The following MAN1A2 variants were observed in gnomAD, a reference collection of about 807,000 sequenced individuals.
MAN1A2 encodes mannosidase alpha class 1A member 2.
In MAN1A2, 26 loss-of-function variants were observed where a neutral mutation model predicts 75.7. The ratio of observed to expected loss-of-function variants is 0.34; its 90% CI spans 0.25 to 0.48. The LOEUF is 0.48. Ranked by LOEUF, MAN1A2 falls within the 20% of genes least tolerant of loss-of-function variation. The pLI, the probability that MAN1A2 is intolerant of heterozygous loss-of-function variation, is 0.99. For synonymous variants in MAN1A2, 247 were observed against 264.6 expected, an observed-to-expected ratio of 0.93 and a Z score of 0.65; for missense variants, 562 against 775.5, an observed-to-expected ratio of 0.72 and a Z score of 3.27.
chr1:117,512,467 C>G (rs899207998), intron 12 of MAN1A2, among the ~76,000 whole-genome samples: 6 of 151,908 alleles, frequency 3.9e-5, no homozygotes, highest in African/African-American at 1.2e-4. Context: ...TAACAAGTTC[C>G]CAGGTGATGC....
chr1:117,524,432 T>A lies in MAN1A2; in HGVS notation c.*1475T>A, dbSNP rs1032456789. 4.6e-4 allele frequency: 70 copies of A among 151,788 alleles called. No individual in the cohort carries two copies. The highest frequency in any genetic ancestry group is 1.5e-3 in the African/African-American group (64 of 41,406). 9.4% of individuals were successfully genotyped at this position (151,788 alleles called of 1,614,324 possible). A position where few individuals can be genotyped will look rare whatever the true frequency, so the allele number is the denominator to read the frequency against. ...TTTCATTTAATATAGGCATCTTCCA[T>A]TGACATTAATAAAACTTAGAAACAG... On this transcript the variant is annotated 3_prime_UTR_variant, in exon 13 of 13. Transcript: ENST00000356554.
chr1:117,524,338 G>C lies in MAN1A2; in HGVS notation c.*1381G>C, dbSNP rs1013728015. On this transcript the variant is annotated 3_prime_UTR_variant, in exon 13 of 13. Transcript: ENST00000356554. The stretch of plus-strand genomic sequence containing the variant: ...ACTTAAATTTTATCAGGAACTGTAA[G>C]ATAAATATCTAGTGCTTATAAATTT... 3 of 151,980 alleles carry C rather than the reference G, an allele frequency of 2.0e-5. No individual in the cohort carries two copies. The highest frequency in any genetic ancestry group is 4.4e-5 in the Non-Finnish European group (3 of 67,796). The allele number at this position is 151,980 out of a possible 1,614,324, so 9.4% of individuals were successfully genotyped here. A position where few individuals can be genotyped will look rare whatever the true frequency, so the allele number is the denominator to read the frequency against.
chr1:117,496,905 G>C lies in MAN1A2; in HGVS notation c.1427G>C (p.Arg476Thr), dbSNP rs762730886. 50 of 1,612,588 alleles carry C rather than the reference G, an allele frequency of 3.1e-5. 1 individual carries two copies. Among genetic ancestry groups the C allele is most frequent in the Admixed American group, 5.0e-5 (3 of 59,838 alleles). Residue 476 changes from arginine to threonine, a missense_variant, in exon 10 of 13, where the codon AGA becomes ACA. This residue lies in a region of MAN1A2 where 434 missense variants were observed against 645.7 expected (regional missense o/e 0.67). Transcript: ENST00000356554. Reference sequence around the variant, plus strand: ...TTTGCACTAGGAGCAGATGGTTCCAGAGCAGATAAAGCTGGTCATTATTTA... The same window carrying C: ...TTTGCACTAGGAGCAGATGGTTCCACAGCAGATAAAGCTGGTCATTATTTA... The part of the protein sequence containing the change: ...GMFALGADGS[R>T]ADKAGHYLEL...
intron 8 of MAN1A2, among the ~76,000 whole-genome samples, chr1:117,489,210 TTTTACA>T (rs1650804627): frequency 6.6e-6 from 1 of 152,120 alleles, no homozygotes; most frequent in Non-Finnish European, 1.5e-5. Context: ...GATTAAGTTC[TTTTACA>T]TTTATATTTG....
chr1:117,514,630 C>T (rs943226984), intron 12 of MAN1A2, among the ~76,000 whole-genome samples: 2 of 152,136 alleles, frequency 1.3e-5, no homozygotes, highest in Non-Finnish European at 2.9e-5. Context: ...TCAGAGACAA[C>T]TCTGTTAGTG....
intron 1 of MAN1A2, among the ~76,000 whole-genome samples, chr1:117,368,729 A>G (rs886949255): frequency 3.3e-5 from 5 of 152,080 alleles, no homozygotes; most frequent in Non-Finnish European, 7.4e-5. Flanking sequence ...CTTCGGTTTT[A>G]TATAAGAAAA....
In MAN1A2 at chr1:117,526,188, G is replaced by T. The variant is rs139735338; in HGVS notation, c.*3231G>T. ...CTTAAGCCTGGAGTTTTTTGAATGAGTGCATGAGTAAATGAGAGAATGTGT... is the reference window on the plus strand; with the variant it reads ...CTTAAGCCTGGAGTTTTTTGAATGATTGCATGAGTAAATGAGAGAATGTGT... On this transcript the variant is annotated 3_prime_UTR_variant, in exon 13 of 13. Coordinates refer to ENST00000356554, the MANE Select transcript of MAN1A2 (RefSeq NM_006699.5). 6.6e-6 allele frequency: 1 copy of T among 151,920 alleles called. No individual in the cohort carries two copies. Among genetic ancestry groups the T allele is most frequent in the Non-Finnish European group, 1.5e-5 (1 of 67,812 alleles). 9.4% of individuals were successfully genotyped at this position (151,920 alleles called of 1,614,324 possible).
intron 1 of MAN1A2, among the ~76,000 whole-genome samples, chr1:117,399,628 G>C (rs1356022756): frequency 6.6e-6 from 1 of 152,192 alleles, no homozygotes; most frequent in East Asian, 1.9e-4. Flanking sequence ...GGTAACTCAT[G>C]ATAGCAAGCA....
At chr1:117,439,915 T>A (rs1035727960) in intron 5 of MAN1A2, among the ~76,000 whole-genome samples, 1 of 152,244 alleles carries the variant, frequency 6.6e-6, no homozygotes, top group Non-Finnish European at 1.5e-5. Context: ...AAATTGGTAG[T>A]AACTTACCAA....
rs1173288719 is a variant in MAN1A2 at position 117,367,834 on chromosome 1, T to G, written c.-350T>G. The G allele has an allele frequency of 4.7e-6, 1 of 214,768 alleles. No homozygotes were observed. Among genetic ancestry groups the G allele is most frequent in the African/African-American group, 2.3e-5 (1 of 43,278 alleles). 13.3% of individuals were successfully genotyped at this position (214,768 alleles called of 1,614,324 possible). On this transcript the variant is annotated 5_prime_UTR_variant, in exon 1 of 13. Transcript: ENST00000356554. ...GGGCGGAAGACTACGTTTGAGCATC[T>G]CACTGAGGTGCAGGAATGGAAGAAC...
At chr1:117,387,281 G>T (rs909329871) in intron 1 of MAN1A2, among the ~76,000 whole-genome samples, 2 of 151,066 alleles carry the variant, frequency 1.3e-5, no homozygotes, top group African/African-American at 4.9e-5. Flanking sequence ...TGGAAACCTT[G>T]TGCATTGCTG....
chr1:117,497,488 CCT>C (rs1470740436), intron 10 of MAN1A2, among the ~76,000 whole-genome samples: 6 of 151,842 alleles, frequency 4.0e-5, no homozygotes, highest in African/African-American at 1.4e-4. Flanking sequence ...CTAAAAAGAT[CCT>C]CTGACATTGC....
At chr1:117,432,712 C>T (rs10923291) in intron 5 of MAN1A2, among the ~76,000 whole-genome samples, 18,229 of 151,952 alleles carry the variant, frequency 0.12, 1,171 homozygotes, top group Non-Finnish European at 0.14. Context: ...CCCAGAGGAA[C>T]AGGGAACATT....
At chr1:117,448,726 G>A (rs1649315150) in intron 6 of MAN1A2, among the ~76,000 whole-genome samples, 1 of 152,174 alleles carries the variant, frequency 6.6e-6, no homozygotes, top group African/African-American at 2.4e-5. Flanking sequence ...GACCTATGGG[G>A]CAGTGTCAGA....
chr1:117,400,055 A>G (rs1052963563), intron 1 of MAN1A2, among the ~76,000 whole-genome samples: 7 of 152,092 alleles, frequency 4.6e-5, no homozygotes, highest in Non-Finnish European at 8.8e-5. Context: ...ATAAGACTTC[A>G]GTCAGCACCT....
At chr1:117,422,587 TGAG>T (rs1255029947) in intron 5 of MAN1A2, among the ~76,000 whole-genome samples, 1 of 152,114 alleles carries the variant, frequency 6.6e-6, no homozygotes, top group Non-Finnish European at 1.5e-5. Flanking sequence ...CTTTGTATTG[TGAG>T]TCTCTTTATT....
chr1:117,390,952 G>A (rs1349926144), intron 1 of MAN1A2, among the ~76,000 whole-genome samples: 1 of 151,990 alleles, frequency 6.6e-6, no homozygotes, highest in Non-Finnish European at 1.5e-5. Context: ...CCCATTTAAA[G>A]TATACAATTC....
At chr1:117,398,226 A>G (rs1188784667) in intron 1 of MAN1A2, among the ~76,000 whole-genome samples, 1 of 152,210 alleles carries the variant, frequency 6.6e-6, no homozygotes, top group Non-Finnish European at 1.5e-5. Context: ...ACATGGTGCC[A>G]TCAGACTGTA....
intron 1 of MAN1A2, among the ~76,000 whole-genome samples, chr1:117,389,345 A>G (rs1031134654): frequency 2.6e-5 from 4 of 152,146 alleles, no homozygotes; most frequent in African/African-American, 9.7e-5. Flanking sequence ...CTTCAGGGTG[A>G]AACTGTTCCA....
Sources: gnomAD v4.1 joint callset for allele counts (sites outside exome capture counted in the v4.1 genomes callset) on GRCh38, gnomAD v4.1.1 for gene constraint, gnomAD v4.1.1 regional missense constraint, MANE v1.5 for transcripts, NCBI Gene and HGNC (gene_info 2026-07-23, HGNC 2026-07-21) for gene names.